Variants in PLCB4 observed in about 807,000 individuals in gnomAD.
The protein encoded by PLCB4 is phospholipase C beta 4.
A neutral mutation model predicts 178.8 loss-of-function variants in PLCB4; 77 were observed. The observed-to-expected ratio is 0.43, with a 90% confidence interval of 0.36 to 0.52. PLCB4 has a LOEUF of 0.52. Among genes scored for constraint, PLCB4 ranks in the 20% least tolerant of loss-of-function variants. The probability of loss-of-function intolerance (pLI) is 0.00; values close to 1 mark genes in which losing one functional copy is unlikely to be tolerated. For synonymous variants in PLCB4, 496 were observed against 490.8 expected (o/e 1.01, Z -0.14); for missense variants, 1,024 against 1,453.4 (o/e 0.70, Z 4.80).
chr20:9,244,531 T>C lies in PLCB4; in HGVS notation c.-16+27079T>C, dbSNP rs1394321572. ...CCTGCAGGGAACAAAAAAAAGGTAATATTGGCCCCATACAATACATAATTT... is the reference window on the plus strand; with the variant it reads ...CCTGCAGGGAACAAAAAAAAGGTAACATTGGCCCCATACAATACATAATTT... On this transcript the variant is annotated intron_variant, in intron 3 of 39. Transcript: ENST00000378473. Among the ~76,000 whole-genome samples the C allele has an allele frequency of 2.0e-5, 3 of 152,294 alleles. No homozygotes were observed. In the East Asian group the frequency reaches 5.8e-4, roughly 29 times the overall value.
chr20:9,220,585 C>A (rs886085777), intron 3 of PLCB4, among the ~76,000 whole-genome samples: 1 of 152,120 alleles, frequency 6.6e-6, no homozygotes, highest in Non-Finnish European at 1.5e-5. Context: ...TGCAGTGAGC[C>A]GAGACTGAGC....
intron 26 of PLCB4, among the ~76,000 whole-genome samples, chr20:9,420,204 A>G (rs2040531013): frequency 6.6e-6 from 1 of 152,232 alleles, no homozygotes; most frequent in Non-Finnish European, 1.5e-5. Context: ...CTTTGAAAAA[A>G]GGGCAGGGAG....
In PLCB4 at chr20:9,305,019, A is replaced by G. The variant is rs529960183; in HGVS notation, c.-15-2781A>G. ...GTCATTTAACATTAGGTATCTCTCCAAATGCTATCCCGCCCCCCTCCCCCC... is the reference window on the plus strand; with the variant it reads ...GTCATTTAACATTAGGTATCTCTCCGAATGCTATCCCGCCCCCCTCCCCCC... On this transcript the variant is annotated intron_variant, in intron 3 of 39. Coordinates refer to ENST00000378473, the MANE Select transcript of PLCB4 (RefSeq NM_001377142.1). Among the ~76,000 whole-genome samples the G allele has an allele frequency of 4.3e-4, 62 of 145,560 alleles. 1 individual carries two copies. Among genetic ancestry groups the G allele is most frequent in the African/African-American group, 1.5e-3 (61 of 39,624 alleles).
At chr20:9,372,734 A>G (rs1296948548) in intron 11 of PLCB4, among the ~76,000 whole-genome samples, 1 of 152,034 alleles carries the variant, frequency 6.6e-6, no homozygotes, top group Non-Finnish European at 1.5e-5. Flanking sequence ...TGAAAAGTTG[A>G]TTCATTCCAA....
chr20:9,203,945 A>G (rs923600131), intron 2 of PLCB4, among the ~76,000 whole-genome samples: 1 of 151,988 alleles, frequency 6.6e-6, no homozygotes, highest in Non-Finnish European at 1.5e-5. Flanking sequence ...GATTTGGCCT[A>G]ATTTTATGTA....
At chr20:9,202,879 A>T (rs191917237) in intron 2 of PLCB4, among the ~76,000 whole-genome samples, 26 of 152,090 alleles carry the variant, frequency 1.7e-4, no homozygotes, top group Admixed American at 1.3e-3. Context: ...CTCTGACATC[A>T]GCAGCTGTGT....
rs1218032244 is a variant in PLCB4, at chr20:9,479,031, CAA to C, written c.*25_*26del. The C allele has an allele frequency of 6.5e-6, 10 of 1,543,600 alleles. No individual in the cohort carries two copies. In the East Asian group the frequency reaches 2.2e-4, roughly 35 times the overall value. On this transcript the variant is annotated 3_prime_UTR_variant, in exon 40 of 40. Coordinates refer to ENST00000378473, the MANE Select transcript of PLCB4 (RefSeq NM_001377142.1). ...CTGAAGCAGCAAACCCACAAAGCAT[CAA>C]AAGACTCACTCACAAACTTCTGAAC...
intron 1 of PLCB4, among the ~76,000 whole-genome samples, chr20:9,071,548 A>C (rs2146459847): frequency 6.6e-6 from 1 of 152,286 alleles, no homozygotes; most frequent in Non-Finnish European, 1.5e-5. Flanking sequence ...TTAGCTTCTG[A>C]GTTTAGTGTC....
chr20:9,284,457 T>C (rs2094520056), intron 3 of PLCB4, among the ~76,000 whole-genome samples: 1 of 151,924 alleles, frequency 6.6e-6, no homozygotes, highest in Admixed American at 6.6e-5. Context: ...TTACAGCGTG[T>C]TGTATAGATT....
intron 4 of PLCB4, among the ~76,000 whole-genome samples, chr20:9,318,762 A>G (rs2094928023): frequency 6.6e-6 from 1 of 152,222 alleles, no homozygotes; most frequent in Non-Finnish European, 1.5e-5. Context: ...CAATTTTTGC[A>G]AAGGCAGTTT....
intron 3 of PLCB4, among the ~76,000 whole-genome samples, chr20:9,276,807 A>G (rs185128044): frequency 1.9e-3 from 282 of 152,144 alleles, no homozygotes; most frequent in Non-Finnish European, 3.2e-3. Context: ...CCAGGGAGCT[A>G]CTTAGAAACC....
chr20:9,257,288 T>C (rs1420096728), intron 3 of PLCB4, among the ~76,000 whole-genome samples: 1 of 152,204 alleles, frequency 6.6e-6, no homozygotes, highest in Non-Finnish European at 1.5e-5. Flanking sequence ...TTTGCTTTAG[T>C]AGAATGTCCT....
intron 3 of PLCB4, among the ~76,000 whole-genome samples, chr20:9,231,844 C>T (rs6118538): frequency 0.082 from 12,511 of 152,052 alleles, 1,187 homozygotes; most frequent in African/African-American, 0.23. Flanking sequence ...CACAAAGACT[C>T]GTAAACGTAT....
At chr20:9,235,058 G>C (rs1322453737) in intron 3 of PLCB4, among the ~76,000 whole-genome samples, 1 of 152,136 alleles carries the variant, frequency 6.6e-6, no homozygotes, top group Non-Finnish European at 1.5e-5. Flanking sequence ...AGTGAAGAGT[G>C]GTTGTAAGAT....
intron 3 of PLCB4, among the ~76,000 whole-genome samples, chr20:9,222,119 C>A (rs2093807610): frequency 7.5e-6 from 1 of 133,462 alleles, no homozygotes; most frequent in Non-Finnish European, 1.6e-5. Flanking sequence ...TTGACAGGGT[C>A]TGGTTCTGTT....
intron 3 of PLCB4, among the ~76,000 whole-genome samples, chr20:9,297,211 T>C (rs946281839): frequency 6.6e-6 from 1 of 152,054 alleles, no homozygotes; most frequent in Admixed American, 6.6e-5. Flanking sequence ...ATATCTTGCA[T>C]GCTATCAAAA....
chr20:9,098,741 A>ATGTGTGTG (rs35465129), intron 2 of PLCB4, among the ~76,000 whole-genome samples: 67,394 of 134,986 alleles, frequency 0.5, 17,344 homozygotes, highest in South Asian at 0.65. Context: ...ATATACATAT[A>ATGTGTGTG]TGTGTGTGTG....
At chr20:9,292,460 A>G (rs1163566321) in intron 3 of PLCB4, among the ~76,000 whole-genome samples, 9 of 152,154 alleles carry the variant, frequency 5.9e-5, no homozygotes, top group Non-Finnish European at 1.5e-5. Context: ...CACGCACCTC[A>G]TGAGGACATG....
chr20:9,440,463 A>G (rs2042039449), intron 30 of PLCB4, among the ~76,000 whole-genome samples: 1 of 152,324 alleles, frequency 6.6e-6, no homozygotes, highest in Non-Finnish European at 1.5e-5. Context: ...ACAATTCAAC[A>G]TATGCTCTCT....
Sources: allele counts gnomAD v4.1 joint callset (sites outside exome capture counted in the v4.1 genomes callset), GRCh38; gene constraint gnomAD v4.1.1; transcripts MANE v1.5; gene names NCBI Gene and HGNC (gene_info 2026-07-23, HGNC 2026-07-21).